FBN2: variants seen among roughly 807,000 people sequenced by gnomAD.
FBN2 encodes fibrillin-2.
Under a neutral mutation model 355.6 loss-of-function variants are expected in FBN2, and 105 were observed. The ratio of observed to expected loss-of-function variants is 0.30; its 90% confidence interval spans 0.25 to 0.35. The LOEUF (loss-of-function observed/expected upper bound fraction) is 0.35, where lower values mean the gene tolerates loss of function less well. FBN2 is among the 10% of genes least tolerant of loss of function. The probability of loss-of-function intolerance (pLI) is 1.00; values close to 1 mark genes in which losing one functional copy is unlikely to be tolerated. For synonymous variants in FBN2, 1,350 were observed against 1,301.2 expected (o/e 1.04, Z -0.81); for missense variants, 3,280 against 3,758.7 (o/e 0.87, Z 3.33).
At chr5:128,342,731 A>AT (rs144593563) in intron 25 of FBN2, among the ~76,000 whole-genome samples, 11,333 of 144,114 alleles carry the variant, frequency 0.079, 549 homozygotes, top group Non-Finnish European at 0.11. Context: ...GATAAAGGAG[A>AT]TTTTTTTTTT....
chr5:128,475,016 G>A (rs1386167661), intron 5 of FBN2, among the ~76,000 whole-genome samples: 1 of 152,204 alleles, frequency 6.6e-6, no homozygotes, highest in East Asian at 1.9e-4. Context: ...TTTGCTGCAT[G>A]AAGAACAGTG....
chr5:128,499,303 G>T, intron 5 of FBN2, among the ~76,000 whole-genome samples: 1 of 152,120 alleles, frequency 6.6e-6, no homozygotes, highest in Non-Finnish European at 1.5e-5. Flanking sequence ...AAATATTAGA[G>T]ATATTTTAAT....
At chr5:128,446,293 T>C in intron 7 of FBN2, 188 bp downstream of exon 7, 1 of 550,348 alleles carries the variant, frequency 1.8e-6, no homozygotes, top group East Asian at 3.4e-5. Context: ...GCTCATTGAC[T>C]CTTTTCAAAT....
At chr5:128,483,715 T>A (rs1755257231) in intron 5 of FBN2, among the ~76,000 whole-genome samples, 3 of 152,088 alleles carry the variant, frequency 2.0e-5, no homozygotes, top group Admixed American at 6.6e-5. Context: ...AAATGAGTTG[T>A]CTGGTTGGCA....
intron 48 of FBN2, among the ~76,000 whole-genome samples, chr5:128,298,150 T>C (rs1300774431): frequency 6.6e-6 from 1 of 151,892 alleles, no homozygotes; most frequent in African/African-American, 2.4e-5. Context: ...TCTTTAAGAA[T>C]GTTGAATATT....
At chr5:128,519,160 GAAGAGTAAAAATAT>G in intron 5 of FBN2, 99 bp downstream of exon 5, 5 of 780,116 alleles carry the variant, frequency 6.4e-6, no homozygotes, top group Non-Finnish European at 1.1e-5. Context: ...CATAATCAAA[GAAGAGTAAAAATAT>G]AATTTCATTA....
chr5:128,267,901 T>C (rs1420935602), intron 62 of FBN2, among the ~76,000 whole-genome samples: 2 of 152,214 alleles, frequency 1.3e-5, no homozygotes, highest in Non-Finnish European at 2.9e-5. Flanking sequence ...GGGAAATTTA[T>C]AGCGCTAAAT....
At chr5:128,430,737 G>A (rs1382162292) in intron 7 of FBN2, among the ~76,000 whole-genome samples, 2 of 151,964 alleles carry the variant, frequency 1.3e-5, no homozygotes, top group Admixed American at 6.6e-5. Flanking sequence ...CCAGCTACTC[G>A]GGAGGCTGAG....
intron 8 of FBN2, among the ~76,000 whole-genome samples, chr5:128,399,670 T>G (rs1245701306): frequency 6.6e-6 from 1 of 152,122 alleles, no homozygotes; most frequent in Non-Finnish European, 1.5e-5. Flanking sequence ...ATACTAGATT[T>G]TAAAAAGTTG....
chr5:128,527,482 G>A (rs1756591980), intron 4 of FBN2, among the ~76,000 whole-genome samples: 1 of 151,900 alleles, frequency 6.6e-6, no homozygotes, highest in South Asian at 2.1e-4. Flanking sequence ...ATACAAAGAG[G>A]GAACTGGAGA....
chr5:128,517,330 A>G (rs1460168086), intron 5 of FBN2, among the ~76,000 whole-genome samples: 2 of 152,296 alleles, frequency 1.3e-5, no homozygotes, highest in African/African-American at 2.4e-5. Flanking sequence ...ATCTCTACCA[A>G]TTATGATTAT....
At chr5:128,478,611 A>C (rs150418569) in intron 5 of FBN2, among the ~76,000 whole-genome samples, 2,709 of 152,340 alleles carry the variant, frequency 0.018, 27 homozygotes, top group Middle Eastern at 0.041. Context: ...CCTACAACTG[A>C]TGAATCTGAT....
intron 5 of FBN2, among the ~76,000 whole-genome samples, chr5:128,508,230 T>A (rs905379586): frequency 1.3e-5 from 2 of 152,026 alleles, no homozygotes; most frequent in African/African-American, 4.8e-5. Flanking sequence ...AATCTTTATC[T>A]TTCAATTGGA....
chr5:128,361,536 T>C (rs573897038), intron 19 of FBN2, among the ~76,000 whole-genome samples, 187 bp downstream of exon 19: 4 of 152,328 alleles, frequency 2.6e-5, no homozygotes, highest in South Asian at 4.1e-4. Flanking sequence ...TGGAACAAAA[T>C]TGATGGTGTT....
At chr5:128,399,773 C>T (rs1232998773) in intron 8 of FBN2, among the ~76,000 whole-genome samples, 4 of 151,846 alleles carry the variant, frequency 2.6e-5, no homozygotes, top group Non-Finnish European at 5.9e-5. Flanking sequence ...CATCTTAAAA[C>T]AGCTAGGATA....
chr5:128,499,317 T>C (rs937120632), intron 5 of FBN2, among the ~76,000 whole-genome samples: 2 of 152,178 alleles, frequency 1.3e-5, no homozygotes, highest in Admixed American at 1.3e-4. Flanking sequence ...TTTTAATAAA[T>C]GATTTCTTAA....
intron 4 of FBN2, among the ~76,000 whole-genome samples, chr5:128,524,153 G>A (rs559433457): frequency 2.6e-5 from 4 of 151,918 alleles, no homozygotes; most frequent in Non-Finnish European, 5.9e-5. Flanking sequence ...TGGATCTTAC[G>A]GTTTCCAAAA....
chr5:128,531,095 G>A lies in FBN2; in HGVS notation c.338-402C>T, dbSNP rs549616279. Among the ~76,000 whole-genome samples the A allele has an allele frequency of 8.7e-4, 132 of 152,066 alleles. 1 individual carries two copies. The highest frequency in any genetic ancestry group is 1.8e-3 in the African/African-American group (73 of 41,480). On this transcript the variant is annotated intron_variant, in intron 2 of 64. Coordinates refer to ENST00000262464, the MANE Select transcript of FBN2 (RefSeq NM_001999.4). ...CAGCACAATTCACAACTGAAAAATC[G>A]TGGAACCAACCCAAATGCCCTTCAA...
intron 48 of FBN2, among the ~76,000 whole-genome samples, chr5:128,292,339 G>A (rs1327030168): frequency 8.5e-6 from 1 of 117,524 alleles, no homozygotes; most frequent in Non-Finnish European, 1.8e-5. Flanking sequence ...TGCCTGACTA[G>A]TGATTTTTCG....
Sources: gnomAD v4.1 joint callset for allele counts (sites outside exome capture counted in the v4.1 genomes callset) on GRCh38, gnomAD v4.1.1 for gene constraint, MANE v1.5 for transcripts, NCBI Gene and HGNC (gene_info 2026-07-23, HGNC 2026-07-21) for gene names.